ABCG8: variants seen among roughly 807,000 people sequenced by gnomAD.
ABCG8 encodes ATP binding cassette subfamily G member 8.
A neutral mutation model predicts 71.3 loss-of-function variants in ABCG8; 81 were observed. That is an observed-to-expected ratio of 1.14 (90% CI 0.95 to 1.37). The LOEUF is 1.37. ABCG8 is among the 40% of genes most tolerant of loss of function. ABCG8 has a pLI of 0.00. For missense variants in ABCG8, 1,119 were observed against 866.2 expected, an observed-to-expected ratio of 1.29 and a Z score of -3.66; for synonymous variants, 451 against 354.7, an observed-to-expected ratio of 1.27 and a Z score of -3.05.
Position 43,875,357 on chromosome 2 carries a change from A to G in ABCG8, c.1700A>G (p.Tyr567Cys), listed in dbSNP as rs746541178. The G allele has an allele frequency of 3.7e-6, 6 of 1,614,122 alleles. No homozygotes were observed. The South Asian group carries it at 6.6e-5, about 18-fold the overall frequency. The change falls in exon 11 of 13, where the codon TAC becomes TGC. Residue 567 changes from tyrosine to cysteine, a missense_variant. Physicochemically the swap from Tyr to Cys is radical, Grantham distance 194 (BLOSUM62 -2). Coordinates refer to ENST00000272286, the MANE Select transcript of ABCG8 (RefSeq NM_022437.3). Reference sequence around the variant, plus strand: ...GCCTCCTTCTTCAGCAATGCCCTCTACAACTCCTTCTACCTCGCCGGGGGC... The same window carrying G: ...GCCTCCTTCTTCAGCAATGCCCTCTGCAACTCCTTCTACCTCGCCGGGGGC... ...HMASFFSNAL[Y>C]NSFYLAGGFM...
intron 6 of ABCG8, among the ~76,000 whole-genome samples, chr2:43,866,571 T>G (rs1370098908): frequency 6.6e-6 from 1 of 152,128 alleles, no homozygotes; most frequent in Non-Finnish European, 1.5e-5. Flanking sequence ...AAGACATTTA[T>G]GCAGCCAAAA....
At chr2:43,872,946 T>C (rs1669832264) in intron 8 of ABCG8, among the ~76,000 whole-genome samples, 2 of 151,802 alleles carry the variant, frequency 1.3e-5, no homozygotes, top group Non-Finnish European at 2.9e-5. Flanking sequence ...GCGTGTGTCT[T>C]TCCTGATGTT....
chr2:43,852,802 A>T lies in ABCG8; in HGVS notation c.898A>T (p.Met300Leu). ...CATCTACTTAGGGGCGGCCCAGCAC[A>T]TGGTCCAGTATTTCACAGCCATCGG... is the stretch of plus-strand genomic sequence containing the variant. ...TPIYLGAAQHMVQYFTAIGYP... is the reference protein window; with the variant it reads ...TPIYLGAAQHLVQYFTAIGYP... The change falls in exon 6 of 13, where the codon ATG becomes TTG. Residue 300 changes from methionine to leucine, a missense_variant. Transcript: ENST00000272286. 3 of 1,614,102 alleles carry T rather than the reference A, an allele frequency of 1.9e-6. No individual in the cohort carries two copies. The highest frequency in any genetic ancestry group is 2.5e-6 in the Non-Finnish European group (3 of 1,180,010).
Position 43,872,264 on chromosome 2 carries a change from C to T in ABCG8, c.1169C>T (p.Thr390Met), listed in dbSNP as rs761465379. The T allele has an allele frequency of 1.3e-5, 21 of 1,613,844 alleles. No homozygotes were observed. The highest frequency in any genetic ancestry group is 1.1e-4 in the African/African-American group (8 of 74,900). ...PLDTNCLPSP[T>M]KMPGAVQQFT... is the part of the protein sequence containing the mutation. ...GACACCAACTGCCTCCCGAGTCCTA[C>T]GAAGATGCCTGGGGCGGTGCAGCAG... Residue 390 changes from threonine to methionine, a missense_variant, in exon 8 of 13, where the codon ACG becomes ATG. Coordinates refer to ENST00000272286, the MANE Select transcript of ABCG8 (RefSeq NM_022437.3).
intron 3 of ABCG8, chr2:43,847,512 C>T (rs1019571618): frequency 1.3e-5 from 2 of 151,912 alleles, no homozygotes; most frequent in Non-Finnish European, 2.9e-5. Context: ...TCGAGACCGT[C>T]CTGGCTATCA....
intron 3 of ABCG8, among the ~76,000 whole-genome samples, chr2:43,850,531 T>C (rs1668880465): frequency 6.6e-6 from 1 of 152,238 alleles, no homozygotes; most frequent in African/African-American, 2.4e-5. Context: ...CGGGGTTTTG[T>C]TGTACAGATT....
intron 6 of ABCG8, 115 bp downstream of exon 6, chr2:43,852,983 G>C: frequency 7.3e-7 from 1 of 1,376,062 alleles, no homozygotes; most frequent in South Asian, 1.2e-5. Context: ...GGTTTCAGGA[G>C]AGGAGGAGCA....
intron 9 of ABCG8, 117 bp from the exon 10 acceptor site, chr2:43,874,289 AT>A: frequency 1.0e-6 from 1 of 976,366 alleles, no homozygotes; most frequent in Admixed American, 1.8e-5. Context: ...AAAAAAAAAA[AT>A]TAGAGACTTG....
chr2:43,874,495 G>C lies in ABCG8; in HGVS notation c.1488+12G>C. ...ATTTCTTTGCCAAGGTGACTGGGCA[G>C]GGTTGAGAGCAAGTGCCCCCCACCC... On this transcript the variant is annotated intron_variant, in intron 10 of 12. Transcript: ENST00000272286. 1.3e-6 allele frequency: 2 copies of C among 1,579,770 alleles called. No homozygotes were observed. The highest frequency in any genetic ancestry group is 1.7e-6 in the Non-Finnish European group (2 of 1,163,918).
At chr2:43,850,869 C>T (rs1274712565) in intron 3 of ABCG8, among the ~76,000 whole-genome samples, 1 of 148,322 alleles carries the variant, frequency 6.7e-6, no homozygotes, top group African/African-American at 2.5e-5. Flanking sequence ...GAGATCACAC[C>T]ATTGCACTCC....
chr2:43,848,974 A>T (rs1389193931), intron 3 of ABCG8, among the ~76,000 whole-genome samples: 2 of 143,354 alleles, frequency 1.4e-5, no homozygotes, highest in East Asian at 2.3e-4. Flanking sequence ...GTGAGCTGAG[A>T]TTGCACCATT....
chr2:43,873,122 G>A (rs1669838001), intron 8 of ABCG8, among the ~76,000 whole-genome samples: 1 of 151,846 alleles, frequency 6.6e-6, no homozygotes, highest in Non-Finnish European at 1.5e-5. Flanking sequence ...AGTCCATCTT[G>A]ATGGCCAGAT....
intron 1 of ABCG8, among the ~76,000 whole-genome samples, chr2:43,839,612 A>C (rs780776793): frequency 4.0e-5 from 6 of 150,740 alleles, no homozygotes; most frequent in Non-Finnish European, 8.9e-5. Context: ...TTTTTAGTAG[A>C]GACAGTGTTT....
chr2:43,863,076 G>A (rs1432048143), intron 6 of ABCG8, among the ~76,000 whole-genome samples: 3 of 140,704 alleles, frequency 2.1e-5, no homozygotes, highest in Admixed American at 1.4e-4. Flanking sequence ...TCTTGATAGG[G>A]TTCTCACCAT....
At chr2:43,869,786 G>T (rs889042846) in intron 6 of ABCG8, among the ~76,000 whole-genome samples, 3 of 151,732 alleles carry the variant, frequency 2.0e-5, no homozygotes, top group African/African-American at 7.3e-5. Flanking sequence ...CATCTGGAGA[G>T]AACTCTCACT....
At chr2:43,859,653 C>T (rs940907030) in intron 6 of ABCG8, among the ~76,000 whole-genome samples, 1 of 150,892 alleles carries the variant, frequency 6.6e-6, no homozygotes, top group Admixed American at 6.6e-5. Flanking sequence ...TTCTCACCAT[C>T]CAGATAGAAC....
At chr2:43,875,711 C>G (rs1335129426) in intron 11 of ABCG8, among the ~76,000 whole-genome samples, 4 of 152,228 alleles carry the variant, frequency 2.6e-5, no homozygotes, top group Admixed American at 6.5e-5. Context: ...TCTGAAATGT[C>G]TGCTTGGCTG....
At chr2:43,845,098 G>A (rs4245790) in intron 2 of ABCG8, among the ~76,000 whole-genome samples, 49,760 of 129,574 alleles carry the variant, frequency 0.38, 9,580 homozygotes, top group East Asian at 0.84. Context: ...GTGTGTGTGT[G>A]TATATATATA....
At chr2:43,848,975 T>C (rs1404876190) in intron 3 of ABCG8, among the ~76,000 whole-genome samples, 1 of 141,568 alleles carries the variant, frequency 7.1e-6, no homozygotes, top group Non-Finnish European at 1.5e-5. Context: ...TGAGCTGAGA[T>C]TGCACCATTG....
Sources: allele counts gnomAD v4.1 joint callset (sites outside exome capture counted in the v4.1 genomes callset), GRCh38; gene constraint gnomAD v4.1.1; transcripts MANE v1.5; gene names NCBI Gene and HGNC (gene_info 2026-07-23, HGNC 2026-07-21).